Variants in PCMTD2 observed in about 807,000 individuals in gnomAD.
PCMTD2 encodes protein-L-isoaspartate O-methyltransferase domain-containing protein 2.
Under a neutral mutation model 33.4 loss-of-function variants are expected in PCMTD2, and 16 were observed. That is an observed-to-expected ratio of 0.48 (90% confidence interval 0.32 to 0.73). The LOEUF (loss-of-function observed/expected upper bound fraction) is 0.73, where lower values mean the gene tolerates loss of function less well. Among genes scored for constraint, PCMTD2 ranks in the 30% least tolerant of loss-of-function variants. PCMTD2 has a pLI of 0.03. For missense variants in PCMTD2, 374 were observed against 449.9 expected, an observed-to-expected ratio of 0.83 and a Z score of 1.53; for synonymous variants, 161 against 160.8, an observed-to-expected ratio of 1.00 and a Z score of -0.01.
At chr20:64,261,796 T>A (rs1327223821) in intron 2 of PCMTD2, among the ~76,000 whole-genome samples, 1 of 152,212 alleles carries the variant, frequency 6.6e-6, no homozygotes, top group African/African-American at 2.4e-5. Context: ...GTGCCCAGAT[T>A]ATTTATCATT....
intron 5 of PCMTD2, among the ~76,000 whole-genome samples, chr20:64,272,404 C>A (rs974610653): frequency 6.6e-6 from 1 of 152,204 alleles, no homozygotes; most frequent in Non-Finnish European, 1.5e-5. Context: ...AATGTTCTTT[C>A]TCCTTGGTGT....
At chr20:64,270,297 C>T (rs1287439430) in intron 5 of PCMTD2, among the ~76,000 whole-genome samples, 1 of 137,582 alleles carries the variant, frequency 7.3e-6, no homozygotes, top group African/African-American at 2.8e-5. Context: ...TGCGGATGTG[C>T]ACAGTGTGGG....
intron 5 of PCMTD2, 67 bp from the exon 6 acceptor site, chr20:64,273,154 G>A (rs6090095): frequency 7.5e-7 from 1 of 1,341,518 alleles, no homozygotes; most frequent in South Asian, 1.4e-5. Flanking sequence ...ACGGGTCTTA[G>A]GTGTGTAGGC....
intron 2 of PCMTD2, chr20:64,262,493 G>C (rs1985464578): frequency 6.6e-6 from 1 of 152,454 alleles, no homozygotes; most frequent in South Asian, 2.1e-4. Context: ...TTCAGGGTTT[G>C]CTGTCATGGA....
intron 5 of PCMTD2, among the ~76,000 whole-genome samples, chr20:64,269,599 CTGTG>C (rs1985801410): frequency 6.6e-6 from 1 of 152,138 alleles, no homozygotes; most frequent in African/African-American, 2.4e-5. Flanking sequence ...GTAGAAAACT[CTGTG>C]AGTGTAGACA....
chr20:64,268,104 T>G (rs1057128167), intron 5 of PCMTD2, 94 bp downstream of exon 5: 26 of 851,360 alleles, frequency 3.1e-5, no homozygotes, highest in Non-Finnish European at 4.4e-5. Context: ...AACCTTTTGA[T>G]ATTAAAAAGC....
intron 2 of PCMTD2, among the ~76,000 whole-genome samples, chr20:64,260,872 T>G (rs1384621313): frequency 1.3e-5 from 2 of 152,006 alleles, no homozygotes; most frequent in African/African-American, 2.4e-5. Context: ...GTTTAAATGA[T>G]TTTTAGAGAC....
At chr20:64,264,871 C>T (rs1985591992) in intron 3 of PCMTD2, among the ~76,000 whole-genome samples, 1 of 152,158 alleles carries the variant, frequency 6.6e-6, no homozygotes, top group African/African-American at 2.4e-5. Context: ...CATTAAAGTT[C>T]TTATTTTAGG....
chr20:64,273,773 T>A lies in PCMTD2; in HGVS notation c.*173T>A. The A allele has an allele frequency of 2.0e-6, 1 of 498,492 alleles. No homozygotes were observed. Among genetic ancestry groups the A allele is most frequent in the African/African-American group, 1.9e-5 (1 of 51,454 alleles). 30.9% of individuals were successfully genotyped at this position (498,492 alleles called of 1,614,324 possible). A position where few individuals can be genotyped will look rare whatever the true frequency, so the allele number is the denominator to read the frequency against. Reference sequence around the variant, plus strand: ...TCCTGATTGACCTCTAAAATTCTATTCAGTTGTATGATTTGTTTACATAGT... The same window carrying A: ...TCCTGATTGACCTCTAAAATTCTATACAGTTGTATGATTTGTTTACATAGT... On this transcript the variant is annotated 3_prime_UTR_variant, in exon 6 of 6. Coordinates refer to ENST00000308824, the MANE Select transcript of PCMTD2 (RefSeq NM_018257.3).
chr20:64,261,133 T>A (rs952659511), intron 2 of PCMTD2, among the ~76,000 whole-genome samples: 21 of 152,352 alleles, frequency 1.4e-4, no homozygotes, highest in Admixed American at 3.9e-4. Flanking sequence ...AATATGGCTA[T>A]TTTTAATAAT....
chr20:64,257,204 C>T (rs561918326), intron 1 of PCMTD2, among the ~76,000 whole-genome samples: 11 of 152,266 alleles, frequency 7.2e-5, no homozygotes, highest in African/African-American at 2.6e-4. Flanking sequence ...TTCCGTATGT[C>T]GCCTCCCAAA....
Position 64,273,253 on chromosome 20 carries a change from G to T in PCMTD2, c.739G>T (p.Ala247Ser), listed in dbSNP as rs1341762272. Residue 247 changes from alanine (A) to serine (S), a missense_variant, in exon 6 of 6, where the codon GCT (alanine) becomes TCT (serine). Transcript: ENST00000308824. ...GGCAGTTCGCAGCCTCCAGGACTTG[G>T]CTCGCATCGCCATCCGGGGCACCAT... ...PVAVRSLQDL[A>S]RIAIRGTIKK... 1 of 1,614,010 alleles carries T rather than the reference G, an allele frequency of 6.2e-7. No individual in the cohort carries two copies.
At position 64,260,238 on chromosome 20, in the gene PCMTD2, T is replaced by C; in HGVS notation, c.273T>C (p.Thr91=). The change falls in exon 2 of 6, where the codon ACT becomes ACC. Residue 91 remains threonine, a synonymous_variant. Coordinates refer to ENST00000308824, the MANE Select transcript of PCMTD2 (RefSeq NM_018257.3). ...GLSFLNLGSG[T]GYLSSMVGLI... ...CGTTTCTGAACCTGGGCAGTGGCACTGGGTATCTCAGCTCCATGGTGGGCC... is the reference window on the plus strand; with the variant it reads ...CGTTTCTGAACCTGGGCAGTGGCACCGGGTATCTCAGCTCCATGGTGGGCC... 6.2e-7 allele frequency: 1 copy of C among 1,613,542 alleles called. No homozygotes were observed. The highest frequency in any genetic ancestry group is 8.5e-7 in the Non-Finnish European group (1 of 1,179,428).
At chr20:64,262,508 T>C (rs1057348649) in intron 2 of PCMTD2, 1 of 152,386 alleles carries the variant, frequency 6.6e-6, no homozygotes, top group African/African-American at 2.4e-5. Context: ...CATGGATGCG[T>C]GTCTTGGCTG....
chr20:64,265,524 C>T (rs750356998), intron 4 of PCMTD2, 95 bp downstream of exon 4: 3 of 990,872 alleles, frequency 3.0e-6, no homozygotes, highest in Non-Finnish European at 4.4e-6. Context: ...CAATTTCCTG[C>T]ATTTCACAAA....
rs1417066629 is a variant in PCMTD2 at position 64,264,458 on chromosome 20, C to A, written c.337C>A (p.Leu113Ile). 1.2e-6 allele frequency: 2 copies of A among 1,602,032 alleles called. No homozygotes were observed. The highest frequency in any genetic ancestry group is 3.3e-5 in the Admixed American group (2 of 59,988). ...GPFGVNHGVE[L>I]HSDVIEYAKQ... ...TTTTGGTGTGAACCATGGGGTGGAA[C>A]TTCACTCAGATGTGATAGAGTATGC... The change falls in exon 3 of 6, where the codon CTT becomes ATT. Residue 113 changes from leucine to isoleucine, a missense_variant. Leu to Ile is a conservative substitution (Grantham distance 5). Transcript: ENST00000308824.
Position 64,264,548 on chromosome 20 carries a change from T to C in PCMTD2, c.410+17T>C, listed in dbSNP as rs2145759444. The stretch of plus-strand genomic sequence containing the variant: ...TTTTGACAAGTAAGATGAAATACTA[T>C]CCATTGGCTCAGATGATGTGAACTG... On this transcript the variant is annotated intron_variant, in intron 3 of 5. Transcript: ENST00000308824. 3.4e-6 allele frequency: 4 copies of C among 1,191,348 alleles called. No individual in the cohort carries two copies. The highest frequency in any genetic ancestry group is 5.0e-6 in the Non-Finnish European group (4 of 794,804). 73.8% of individuals were successfully genotyped at this position (1,191,348 alleles called of 1,614,324 possible).
chr20:64,268,403 G>A (rs1985746666), intron 5 of PCMTD2, among the ~76,000 whole-genome samples: 1 of 152,224 alleles, frequency 6.6e-6, no homozygotes, highest in Non-Finnish European at 1.5e-5. Flanking sequence ...GGCGCCAAGC[G>A]CCTGCTGCCT....
intron 2 of PCMTD2, among the ~76,000 whole-genome samples, chr20:64,262,366 C>T (rs769810279): frequency 5.3e-5 from 8 of 152,112 alleles, no homozygotes. Context: ...TCCTGAATCC[C>T]CTGTTTACTG....
Sources: gnomAD v4.1 joint callset for allele counts (sites outside exome capture counted in the v4.1 genomes callset) on GRCh38, gnomAD v4.1.1 for gene constraint, MANE v1.5 for transcripts, NCBI Gene and HGNC (gene_info 2026-07-23, HGNC 2026-07-21) for gene names.